Variants in PTPRK observed in about 807,000 individuals in gnomAD.
The protein encoded by PTPRK is protein tyrosine phosphatase receptor type K.
Under a neutral mutation model 178.0 loss-of-function variants are expected in PTPRK, and 75 were observed. That is an observed-to-expected ratio of 0.42 (90% CI 0.35 to 0.51). The LOEUF is 0.51. Among genes scored for constraint, PTPRK ranks in the 20% least tolerant of loss-of-function variants. The pLI, the probability that PTPRK is intolerant of heterozygous loss-of-function variation, is 0.02. For synonymous variants in PTPRK, 637 were observed against 620.6 expected, an observed-to-expected ratio of 1.03 and a Z score of -0.39; for missense variants, 1,441 against 1,797.8, an observed-to-expected ratio of 0.80 and a Z score of 3.59.
At chr6:128,296,762 G>A (rs894214363) in intron 3 of PTPRK, among the ~76,000 whole-genome samples, 2 of 152,172 alleles carry the variant, frequency 1.3e-5, no homozygotes, top group African/African-American at 4.8e-5. Flanking sequence ...ACCAGCCACT[G>A]CAAAATCATG....
intron 2 of PTPRK, among the ~76,000 whole-genome samples, chr6:128,362,945 T>C (rs1457195711): frequency 6.6e-6 from 1 of 152,160 alleles, no homozygotes. Flanking sequence ...TTTTTGACTA[T>C]TATGAAATAG....
chr6:128,457,381 C>T (rs1383772048), intron 1 of PTPRK, among the ~76,000 whole-genome samples: 1 of 152,072 alleles, frequency 6.6e-6, no homozygotes, highest in Admixed American at 6.6e-5. Flanking sequence ...TCAGATTTGA[C>T]AAAAGCAAAC....
chr6:128,405,893 A>G (rs1393259220), intron 1 of PTPRK, among the ~76,000 whole-genome samples: 1 of 152,186 alleles, frequency 6.6e-6, no homozygotes, highest in East Asian at 1.9e-4. Context: ...ATACTCAACT[A>G]CATTTTAAGG....
At chr6:128,041,204 T>C (rs1190672613) in intron 13 of PTPRK, among the ~76,000 whole-genome samples, 1 of 152,060 alleles carries the variant, frequency 6.6e-6, no homozygotes, top group Non-Finnish European at 1.5e-5. Flanking sequence ...TTTAAACACA[T>C]AAAACAAACT....
intron 13 of PTPRK, among the ~76,000 whole-genome samples, chr6:128,053,576 A>T (rs143487140): frequency 6.6e-6 from 1 of 151,734 alleles, no homozygotes; most frequent in Non-Finnish European, 1.5e-5. Context: ...TTGATGTTCT[A>T]CTCACCCTAG....
chr6:128,174,631 A>G (rs2114659911), intron 7 of PTPRK, among the ~76,000 whole-genome samples: 1 of 152,032 alleles, frequency 6.6e-6, no homozygotes, highest in South Asian at 2.1e-4. Context: ...TAGCTTTAGT[A>G]CATGCCCAAA....
chr6:128,409,550 C>T (rs1842063162), intron 1 of PTPRK, among the ~76,000 whole-genome samples: 1 of 152,152 alleles, frequency 6.6e-6, no homozygotes, highest in African/African-American at 2.4e-5. Flanking sequence ...TACTCATAGC[C>T]TGGCATTAGT....
chr6:128,024,651 A>G (rs552355786), intron 13 of PTPRK, among the ~76,000 whole-genome samples: 14 of 152,174 alleles, frequency 9.2e-5, no homozygotes, highest in African/African-American at 3.4e-4. Context: ...TCTACTAAAA[A>G]TACAAAAAAT....
chr6:128,030,110 G>A (rs963786792), intron 13 of PTPRK, among the ~76,000 whole-genome samples: 1 of 151,226 alleles, frequency 6.6e-6, no homozygotes, highest in Non-Finnish European at 1.5e-5. Context: ...CCCCATGTCA[G>A]TTAGTCATCA....
chr6:128,289,198 AT>A, intron 3 of PTPRK, among the ~76,000 whole-genome samples: 1 of 152,270 alleles, frequency 6.6e-6, no homozygotes, highest in East Asian at 1.9e-4. Flanking sequence ...ATACCAGGTG[AT>A]TCTTAAAGAC....
chr6:128,295,185 T>A (rs1483066740), intron 3 of PTPRK, among the ~76,000 whole-genome samples: 1 of 152,140 alleles, frequency 6.6e-6, no homozygotes, highest in Non-Finnish European at 1.5e-5. Context: ...GTCCTTCAAC[T>A]TTAAAATAAT....
chr6:128,254,654 G>A (rs947564213), intron 3 of PTPRK, among the ~76,000 whole-genome samples: 1 of 151,930 alleles, frequency 6.6e-6, no homozygotes, highest in Non-Finnish European at 1.5e-5. Flanking sequence ...AAAAGATGAA[G>A]TCTGTAAGAC....
intron 13 of PTPRK, among the ~76,000 whole-genome samples, chr6:128,057,817 T>C (rs1780153319): frequency 6.6e-6 from 1 of 152,234 alleles, no homozygotes; most frequent in Non-Finnish European, 1.5e-5. Flanking sequence ...CTGAGACAGA[T>C]ACATATCTAG....
intron 7 of PTPRK, among the ~76,000 whole-genome samples, chr6:128,163,020 C>T (rs549213696): frequency 4.2e-4 from 64 of 151,396 alleles, no homozygotes; most frequent in African/African-American, 1.5e-3. Flanking sequence ...TAACATTATG[C>T]TTAACATGTT....
At chr6:128,495,484 A>G (rs1180034493) in intron 1 of PTPRK, among the ~76,000 whole-genome samples, 1 of 151,966 alleles carries the variant, frequency 6.6e-6, no homozygotes, top group African/African-American at 2.4e-5. Context: ...CTTAAATGTT[A>G]CAGTTCAAAC....
intron 11 of PTPRK, among the ~76,000 whole-genome samples, chr6:128,078,106 C>T (rs1562540345): frequency 1.3e-5 from 2 of 151,830 alleles, no homozygotes. Context: ...ATCTTCAAAG[C>T]TCTTATAACA....
chr6:128,093,543 C>G (rs1230684477), intron 7 of PTPRK, among the ~76,000 whole-genome samples: 4 of 124,052 alleles, frequency 3.2e-5, no homozygotes, highest in Non-Finnish European at 6.3e-5. Flanking sequence ...TGCAGTGAGC[C>G]GAGATCGCAC....
chr6:128,422,386 G>A (rs1843580630), intron 1 of PTPRK, among the ~76,000 whole-genome samples: 1 of 152,118 alleles, frequency 6.6e-6, no homozygotes, highest in Admixed American at 6.6e-5. Context: ...CACACAAAGA[G>A]AAATAGGTAA....
At chr6:128,300,485 A>G (rs1049734260) in intron 3 of PTPRK, among the ~76,000 whole-genome samples, 1 of 152,058 alleles carries the variant, frequency 6.6e-6, no homozygotes, top group Non-Finnish European at 1.5e-5. Flanking sequence ...ATGTCCAACA[A>G]TGATAGACTG....
Sources: allele counts gnomAD v4.1 joint callset (sites outside exome capture counted in the v4.1 genomes callset), GRCh38; gene constraint gnomAD v4.1.1; transcripts MANE v1.5; gene names NCBI Gene and HGNC (gene_info 2026-07-23, HGNC 2026-07-21).